Variants in CAMKK2 observed in about 807,000 individuals in gnomAD.
The protein encoded by CAMKK2 is calcium/calmodulin dependent protein kinase kinase 2.
CAMKK2 carries 30 observed loss-of-function variants against 67.2 expected under a neutral mutation model. That is an observed-to-expected ratio of 0.45 (90% CI 0.33 to 0.61). CAMKK2 has a LOEUF of 0.61. Ranked by LOEUF, CAMKK2 falls within the 20% of genes least tolerant of loss-of-function variation. The pLI, the probability that CAMKK2 is intolerant of heterozygous loss-of-function variation, is 0.02. For missense variants in CAMKK2, 643 were observed against 802.0 expected (o/e 0.80, Z 2.39); for synonymous variants, 322 against 326.2 (o/e 0.99, Z 0.14).
chr12:121,277,922 G>A (rs1440774153), intron 1 of CAMKK2, among the ~76,000 whole-genome samples: 1 of 152,136 alleles, frequency 6.6e-6, no homozygotes, highest in Non-Finnish European at 1.5e-5. Context: ...AGGCGAGATT[G>A]CGCCACTGCA....
At chr12:121,294,839 A>C (rs1900806385) in intron 1 of CAMKK2, among the ~76,000 whole-genome samples, 1 of 152,254 alleles carries the variant, frequency 6.6e-6, no homozygotes, top group Non-Finnish European at 1.5e-5. Context: ...GGCAGGCAGC[A>C]AGAACTCAAT....
chr12:121,262,703 C>T lies in CAMKK2; in HGVS notation c.759+1103G>A, dbSNP rs139064895. Among the ~76,000 whole-genome samples, 885 of 152,024 alleles carry T rather than the reference C, an allele frequency of 5.8e-3. 8 individuals are homozygous for T. The highest frequency in any genetic ancestry group is 0.02 in the African/African-American group (828 of 41,464). On this transcript the variant is annotated intron_variant, in intron 6 of 16. Transcript: ENST00000404169. Reference sequence around the variant, plus strand: ...CCTTCGGAATAGCTGGGACCAAAGGCGTGCACCACCATACCGGGCTAATTT... The same window carrying T: ...CCTTCGGAATAGCTGGGACCAAAGGTGTGCACCACCATACCGGGCTAATTT...
intron 7 of CAMKK2, among the ~76,000 whole-genome samples, chr12:121,256,383 A>C (rs1160574811): frequency 6.6e-6 from 1 of 152,220 alleles, no homozygotes; most frequent in Non-Finnish European, 1.5e-5. Flanking sequence ...TCCCAAAAAA[A>C]AAATTTCTTT....
At position 121,240,475 on chromosome 12, in the gene CAMKK2, C is replaced by T. The variant is rs1446098803; in HGVS notation, c.*224G>A. On this transcript the variant is annotated 3_prime_UTR_variant, in exon 17 of 17. Coordinates refer to ENST00000404169, the MANE Select transcript of CAMKK2 (RefSeq NM_001270485.2). The surrounding 1 kb of genome is among the most constrained non-coding windows in gnomAD (Gnocchi z 4.4). Reference sequence around the variant, plus strand: ...GTTTGGGTCTGCAACTCCTCACACCCGCCTGTCCAGCCAGCCAGCGGCCAC... The same window carrying T: ...GTTTGGGTCTGCAACTCCTCACACCTGCCTGTCCAGCCAGCCAGCGGCCAC... 5.2e-6 allele frequency: 8 copies of T among 1,535,714 alleles called. No individual in the cohort carries two copies. Among genetic ancestry groups the T allele is most frequent in the Non-Finnish European group, 7.0e-6 (8 of 1,146,880 alleles).
chr12:121,251,137 C>T (rs1161789248), intron 11 of CAMKK2, among the ~76,000 whole-genome samples: 4 of 152,154 alleles, frequency 2.6e-5, no homozygotes, highest in Non-Finnish European at 5.9e-5. Flanking sequence ...CTAAGGAAAA[C>T]GATTTCATTA....
Position 121,240,826 on chromosome 12 carries a change from G to GGAGGA in CAMKK2, c.1639_1640insTCCTC (p.Pro547LeufsTer12). ...AAGAGCACTTCCTCCTCCCCCACGG[G>GGAGGA]GGGCGGGTCGGTGCCCTGGAGGTTG... On this transcript the variant is annotated frameshift_variant, in exon 17 of 17. Transcript: ENST00000404169. LOFTEE classifies it high-confidence loss of function. The surrounding 1 kb of genome is among the most constrained non-coding windows in gnomAD (Gnocchi z 4.4). 1 of 1,612,352 alleles carries GGAGGA rather than the reference G, an allele frequency of 6.2e-7. No individual in the cohort carries two copies. Among genetic ancestry groups the GGAGGA allele is most frequent in the Non-Finnish European group, 8.5e-7 (1 of 1,179,862 alleles).
intron 2 of CAMKK2, among the ~76,000 whole-genome samples, chr12:121,273,095 C>G (rs761293476): frequency 6.6e-6 from 1 of 152,092 alleles, no homozygotes; most frequent in Non-Finnish European, 1.5e-5. Context: ...ACTAAACCAA[C>G]GCACAGATAA....
intron 16 of CAMKK2, chr12:121,244,154 T>C (rs1166151945): frequency 6.2e-7 from 1 of 1,607,346 alleles, no homozygotes; most frequent in African/African-American, 1.3e-5. Context: ...GAAAGAGAAG[T>C]GGAGGCTGGA....
intron 14 of CAMKK2, 51 bp downstream of exon 14, chr12:121,248,555 C>T: frequency 6.2e-7 from 1 of 1,611,204 alleles, no homozygotes; most frequent in Non-Finnish European, 8.5e-7. Flanking sequence ...GGCCAGGCCC[C>T]ACCTCAGGCT....
chr12:121,243,856 C>A, intron 16 of CAMKK2: 1 of 1,343,360 alleles, frequency 7.4e-7, no homozygotes, highest in Non-Finnish European at 9.6e-7. Flanking sequence ...AAGTGACTGC[C>A]TGGAGCTCCC....
intron 5 of CAMKK2, among the ~76,000 whole-genome samples, chr12:121,267,327 T>C (rs1894826538): frequency 6.6e-6 from 1 of 151,442 alleles, no homozygotes; most frequent in Non-Finnish European, 1.5e-5. Context: ...TTGGCCAGAA[T>C]GATCTCAAAC....
At position 121,274,364 on chromosome 12, in the gene CAMKK2, C is replaced by T; in HGVS notation, c.163G>A (p.Val55Ile). The stretch of plus-strand genomic sequence containing the variant: ...GCACAGCCCGGCTCACACTCGGTGA[C>T]CACAATGAAGGACTCCATGCCCAGG... ...IHLGMESFIV[V>I]TECEPGCAVD... is the part of the protein sequence containing the mutation. Residue 55 changes from valine to isoleucine, a missense_variant, in exon 2 of 17, where the codon GTC (valine) becomes ATC (isoleucine). Around this residue, in one of 3 missense-constraint regions of CAMKK2, gnomAD observed 483 missense variants for 625.8 expected, o/e 0.77. Transcript: ENST00000404169. The T allele has an allele frequency of 6.2e-7, 1 of 1,613,566 alleles. No individual in the cohort carries two copies. Among genetic ancestry groups the T allele is most frequent in the African/African-American group, 1.3e-5 (1 of 75,054 alleles).
intron 2 of CAMKK2, among the ~76,000 whole-genome samples, chr12:121,271,273 CAAA>C (rs11332649): frequency 1.5e-4 from 17 of 112,926 alleles, no homozygotes; most frequent in Admixed American, 3.9e-4. Context: ...AACTGTGTCT[CAAA>C]AAAAAAAAAA....
At chr12:121,262,488 G>A (rs986104987) in intron 6 of CAMKK2, among the ~76,000 whole-genome samples, 1 of 151,602 alleles carries the variant, frequency 6.6e-6, no homozygotes, top group East Asian at 1.9e-4. Flanking sequence ...CTCCAGCCTG[G>A]GCAACAGAGT....
intron 2 of CAMKK2, 28 bp downstream of exon 2, chr12:121,274,027 AG>A (rs1896285750): frequency 7.0e-7 from 1 of 1,434,624 alleles, no homozygotes; most frequent in Admixed American, 2.8e-5. Context: ...AGGGACCCCT[AG>A]GACCTGGCTC....
Position 121,249,993 on chromosome 12 carries a change from C to T in CAMKK2, c.1203G>A (p.Lys401=), listed in dbSNP as rs573192806. 3.1e-6 allele frequency: 5 copies of T among 1,614,082 alleles called. No individual in the cohort carries two copies. In the Admixed American group the frequency reaches 6.7e-5, roughly 22 times the overall value. ...MDERIMCLHS[K]IKSQALEFPD... ...GAAATTCCAGGGCCTGACTCTTGAT[C>T]TTACTGTGTAAACACATGATCCGCT... The change falls in exon 12 of 17, where the codon AAG becomes AAA. Residue 401 remains lysine, a synonymous_variant. Transcript: ENST00000404169.
chr12:121,284,852 A>G (rs920314038), intron 1 of CAMKK2, among the ~76,000 whole-genome samples: 9 of 152,336 alleles, frequency 5.9e-5, no homozygotes, highest in South Asian at 2.1e-4. Flanking sequence ...ATTTGGGCAC[A>G]GGGACATGGA....
At chr12:121,261,972 G>A (rs1893548362) in intron 6 of CAMKK2, among the ~76,000 whole-genome samples, 2 of 152,192 alleles carry the variant, frequency 1.3e-5, no homozygotes, top group Non-Finnish European at 2.9e-5. Context: ...AGATCCCCAA[G>A]ATGCTTCATG....
At chr12:121,264,815 C>T (rs1195236833) in intron 5 of CAMKK2, among the ~76,000 whole-genome samples, 2 of 134,842 alleles carry the variant, frequency 1.5e-5, no homozygotes, top group Non-Finnish European at 3.2e-5. Context: ...ATAATAATCA[C>T]AAAAAATTAG....
Sources: allele counts gnomAD v4.1 joint callset (sites outside exome capture counted in the v4.1 genomes callset), GRCh38; gene constraint gnomAD v4.1.1; regional missense constraint gnomAD v4.1.1; non-coding constraint Gnocchi (gnomAD v3.1); transcripts MANE v1.5; gene names NCBI Gene and HGNC (gene_info 2026-07-23, HGNC 2026-07-21).